Variants in PDE1C observed in about 807,000 individuals in gnomAD.
PDE1C encodes phosphodiesterase 1C.
Under a neutral mutation model 93.1 loss-of-function variants are expected in PDE1C, and 62 were observed. The ratio of observed to expected loss-of-function variants is 0.67; its 90% CI spans 0.54 to 0.82. PDE1C has a LOEUF of 0.82. PDE1C is among the 40% of genes least tolerant of loss of function. The probability of loss-of-function intolerance (pLI) is 0.00; values close to 1 mark genes in which losing one functional copy is unlikely to be tolerated. For synonymous variants in PDE1C, 325 were observed against 310.1 expected (o/e 1.05, Z -0.50); for missense variants, 742 against 884.6 (o/e 0.84, Z 2.04).
At chr7:32,226,476 A>G (rs745964154) in intron 1 of PDE1C, among the ~76,000 whole-genome samples, 6 of 152,248 alleles carry the variant, frequency 3.9e-5, no homozygotes, top group Non-Finnish European at 8.8e-5. Flanking sequence ...TTTAAACATC[A>G]TAACGGGTAA....
intron 1 of PDE1C, among the ~76,000 whole-genome samples, chr7:32,376,772 C>G (rs1479207091): frequency 6.6e-6 from 1 of 152,180 alleles, no homozygotes; most frequent in Non-Finnish European, 1.5e-5. Flanking sequence ...ACTGCAAGCT[C>G]CGCCTCCCAG....
In PDE1C at chr7:32,404,193, G is replaced by A. The variant is rs371280767; in HGVS notation, c.310+23629C>T. Among the ~76,000 whole-genome samples, 5 of 152,302 alleles carry A rather than the reference G, an allele frequency of 3.3e-5. No individual in the cohort carries two copies. The East Asian group carries it at 5.8e-4, about 18-fold the overall frequency. ...CTGCAATGGGAATTGCCATGGTGGT[G>A]CCTATTCCATAGGGTTGCTATGAGG... On this transcript the variant is annotated intron_variant, in intron 1 of 1. Transcript: ENST00000672256.
At chr7:32,331,033 A>C (rs1219454875) in intron 1 of PDE1C, among the ~76,000 whole-genome samples, 1 of 151,494 alleles carries the variant, frequency 6.6e-6, no homozygotes, top group African/African-American at 2.4e-5. Flanking sequence ...CCTGGGCAAG[A>C]GGCAAGACCT....
At chr7:31,879,363 A>G (rs1274907750) in intron 3 of PDE1C, 185 bp from the exon 4 acceptor site, 1 of 570,478 alleles carries the variant, frequency 1.8e-6, no homozygotes, top group Admixed American at 3.0e-5. Flanking sequence ...GTGTTTCGCG[A>G]TGGTCTTGGC....
At position 32,076,617 on chromosome 7, in the gene PDE1C, T is replaced by C. The variant is rs1476840779; in HGVS notation, c.308+93168A>G. ...GAGATCACACCACTGCACTCCAGCC[T>C]GGGCGACAGAGTGAGACTCCATCTC... On this transcript the variant is annotated intron_variant, in intron 3 of 18. Coordinates refer to the PDE1C transcript ENST00000396193. Among the ~76,000 whole-genome samples the C allele has an allele frequency of 3.0e-5, 4 of 134,710 alleles. No individual in the cohort carries two copies. In the East Asian group the frequency reaches 8.6e-4, roughly 29 times the overall value. The allele number at this position is 134,710 out of a possible 152,430, so 88.4% of individuals were successfully genotyped here. A position where few individuals can be genotyped will look rare whatever the true frequency, so the allele number is the denominator to read the frequency against.
intron 12 of PDE1C, 73 bp from the exon 13 acceptor site, chr7:31,825,060 T>C: frequency 6.3e-7 from 1 of 1,586,150 alleles, no homozygotes; most frequent in Non-Finnish European, 8.6e-7. Context: ...CAGAAGAAAC[T>C]GATCTAGAAG....
At chr7:31,900,006 C>T (rs1414636986) in intron 2 of PDE1C, among the ~76,000 whole-genome samples, 1 of 152,116 alleles carries the variant, frequency 6.6e-6, no homozygotes, top group Non-Finnish European at 1.5e-5. Flanking sequence ...TTATCTGGCT[C>T]AAAATGTCAG....
intron 1 of PDE1C, among the ~76,000 whole-genome samples, chr7:32,219,693 C>T (rs1334902860): frequency 6.6e-6 from 1 of 152,210 alleles, no homozygotes; most frequent in Non-Finnish European, 1.5e-5. Context: ...GGACTGCTGG[C>T]TCGCATGGGG....
chr7:31,878,077 A>G (rs977747680), intron 4 of PDE1C, 41 bp from the exon 5 acceptor site: 54 of 1,423,852 alleles, frequency 3.8e-5, no homozygotes, highest in Non-Finnish European at 4.8e-5. Flanking sequence ...GATATCTTAT[A>G]AAGTAGGATT....
chr7:32,155,040 G>T (rs898175586), intron 3 of PDE1C, among the ~76,000 whole-genome samples: 18 of 152,298 alleles, frequency 1.2e-4, no homozygotes, highest in Admixed American at 8.5e-4. Context: ...GGCAGGAAAT[G>T]AGCAGGCTGG....
intron 16 of PDE1C, among the ~76,000 whole-genome samples, chr7:31,794,042 A>AGATAGATAGATAGATAGATAGACG (rs1157143757): frequency 1.2e-5 from 1 of 84,622 alleles, no homozygotes; most frequent in Non-Finnish European, 2.4e-5. Context: ...ATAGATAGAT[A>AGATAGATAGATAGATAGATAGACG]GACAGACAGA....
chr7:31,789,541 A>G, intron 16 of PDE1C: 1 of 550,860 alleles, frequency 1.8e-6, no homozygotes, highest in Non-Finnish European at 2.3e-6. Context: ...CTGAACATTC[A>G]GGTTTATACT....
chr7:31,636,725 TAA>T, the PDE1C span, among the ~76,000 whole-genome samples: 198 of 111,528 alleles, frequency 1.8e-3, no homozygotes, highest in African/African-American at 4.4e-3. Flanking sequence ...CTTTTTTTTT[TAA>T]AAATTTTATT....
chr7:31,742,809 A>G, the PDE1C span, among the ~76,000 whole-genome samples: 1 of 152,124 alleles, frequency 6.6e-6, no homozygotes, highest in Non-Finnish European at 1.5e-5. Flanking sequence ...CAAACTGCTC[A>G]CTGTGTGTCT....
intron 1 of PDE1C, among the ~76,000 whole-genome samples, chr7:32,361,581 C>T (rs1784137598): frequency 6.6e-6 from 1 of 152,210 alleles, no homozygotes; most frequent in Non-Finnish European, 1.5e-5. Flanking sequence ...TGGGCCTTTG[C>T]TCTCCTTGTG....
At chr7:31,993,355 C>A (rs944507379) in intron 2 of PDE1C, among the ~76,000 whole-genome samples, 1 of 152,076 alleles carries the variant, frequency 6.6e-6, no homozygotes, top group African/African-American at 2.4e-5. Context: ...AGCAAAGGAT[C>A]AAAGTCCAAG....
At chr7:32,273,680 A>G (rs1811111980) in intron 1 of PDE1C, among the ~76,000 whole-genome samples, 1 of 152,234 alleles carries the variant, frequency 6.6e-6, no homozygotes, top group South Asian at 2.1e-4. Flanking sequence ...TTTTGCCTTC[A>G]AAGACTTGTA....
intron 2 of PDE1C, among the ~76,000 whole-genome samples, chr7:32,030,877 C>T (rs1790216217): frequency 6.6e-6 from 1 of 151,996 alleles, no homozygotes; most frequent in Non-Finnish European, 1.5e-5. Flanking sequence ...TATACAACCA[C>T]CAAGAAAAAT....
At chr7:31,865,480 C>A (rs1186291955) in intron 6 of PDE1C, among the ~76,000 whole-genome samples, 1 of 152,016 alleles carries the variant, frequency 6.6e-6, no homozygotes, top group East Asian at 1.9e-4. Flanking sequence ...TCCCCTCTAA[C>A]CCTAAGGGAA....
Sources: gnomAD v4.1 joint callset for allele counts (sites outside exome capture counted in the v4.1 genomes callset) on GRCh38, gnomAD v4.1.1 for gene constraint, MANE v1.5 for transcripts, NCBI Gene and HGNC (gene_info 2026-07-23, HGNC 2026-07-21) for gene names.